The following GPC5 variants were observed in gnomAD, a reference collection of about 807,000 sequenced individuals.
GPC5 encodes glypican-5.
Under a neutral mutation model 53.9 loss-of-function variants are expected in GPC5, and 47 were observed. The observed-to-expected ratio is 0.87, with a 90% CI of 0.69 to 1.11. The LOEUF (loss-of-function observed/expected upper bound fraction) is 1.11, where lower values mean the gene tolerates loss of function less well. Among genes scored for constraint, GPC5 ranks in the 50% most tolerant of loss-of-function variants. The pLI, the probability that GPC5 is intolerant of heterozygous loss-of-function variation, is 0.00. For synonymous variants in GPC5, 286 were observed against 263.3 expected, an observed-to-expected ratio of 1.09 and a Z score of -0.84; for missense variants, 748 against 713.1, an observed-to-expected ratio of 1.05 and a Z score of -0.56.
At chr13:92,168,975 T>C (rs949391064) in intron 7 of GPC5, among the ~76,000 whole-genome samples, 3 of 152,106 alleles carry the variant, frequency 2.0e-5, no homozygotes, top group Non-Finnish European at 4.4e-5. Flanking sequence ...GTGGTACATA[T>C]ACACTATGGA....
intron 7 of GPC5, among the ~76,000 whole-genome samples, chr13:92,355,959 A>G (rs959771276): frequency 7.8e-6 from 1 of 128,438 alleles, no homozygotes; most frequent in Non-Finnish European, 1.6e-5. Flanking sequence ...TCGTCTCTTT[A>G]TGATCACTAC....
chr13:92,800,231 T>A (rs1876848474), intron 7 of GPC5, among the ~76,000 whole-genome samples: 1 of 151,860 alleles, frequency 6.6e-6, no homozygotes, highest in Admixed American at 6.6e-5. Flanking sequence ...CTGGTATTCA[T>A]TAAAGAATTT....
At chr13:92,070,207 T>A (rs1057373011) in intron 6 of GPC5, among the ~76,000 whole-genome samples, 3 of 152,164 alleles carry the variant, frequency 2.0e-5, no homozygotes, top group Non-Finnish European at 4.4e-5. Context: ...AAATGGGGAC[T>A]GCGATACTAC....
chr13:91,856,450 G>C lies in GPC5; in HGVS notation c.1281-51487G>C, dbSNP rs139072687. Among the ~76,000 whole-genome samples, 1,347 of 151,572 alleles carry C rather than the reference G, an allele frequency of 8.9e-3. 12 individuals are homozygous for C. The highest frequency in any genetic ancestry group is 0.015 in the Non-Finnish European group (1,007 of 67,492). On this transcript the variant is annotated intron_variant, in intron 5 of 7. Coordinates refer to ENST00000377067, the MANE Select transcript of GPC5 (RefSeq NM_004466.6). ...AGTCTACCATCAGCAAATTGTGAGAGGTTGAGTTGTTCATCGTATGTTCAT... is the reference window on the plus strand; with the variant it reads ...AGTCTACCATCAGCAAATTGTGAGACGTTGAGTTGTTCATCGTATGTTCAT...
At chr13:92,438,377 AAAATAAATAT>A (rs1344177724) in intron 7 of GPC5, among the ~76,000 whole-genome samples, 3 of 43,422 alleles carry the variant, frequency 6.9e-5, no homozygotes, top group East Asian at 1.7e-3. Flanking sequence ...CGTTTAAAGC[AAAATAAATAT>A]ATATATATAT....
At chr13:91,478,083 C>A (rs1323495019) in intron 2 of GPC5, among the ~76,000 whole-genome samples, 6 of 150,496 alleles carry the variant, frequency 4.0e-5, no homozygotes, top group African/African-American at 1.5e-4. Flanking sequence ...TTCAGAGAAC[C>A]TTTCATATGA....
chr13:92,606,008 T>C (rs1368455544), intron 7 of GPC5, among the ~76,000 whole-genome samples: 1 of 152,208 alleles, frequency 6.6e-6, no homozygotes, highest in Admixed American at 6.5e-5. Flanking sequence ...AAAGCTATTT[T>C]AAGAAGGTAT....
At chr13:92,072,678 G>C (rs1321410261) in intron 6 of GPC5, among the ~76,000 whole-genome samples, 1 of 150,276 alleles carries the variant, frequency 6.7e-6, no homozygotes, top group Non-Finnish European at 1.5e-5. Flanking sequence ...TGCTCAAGTG[G>C]TTCTGGTGCC....
chr13:92,213,776 G>A (rs1032862296), intron 7 of GPC5, among the ~76,000 whole-genome samples: 1 of 152,104 alleles, frequency 6.6e-6, no homozygotes, highest in African/African-American at 2.4e-5. Flanking sequence ...CCATTTGATA[G>A]TCTTTTGCTG....
intron 2 of GPC5, among the ~76,000 whole-genome samples, chr13:91,663,649 A>T (rs1157936753): frequency 6.6e-6 from 1 of 151,894 alleles, no homozygotes; most frequent in Non-Finnish European, 1.5e-5. Flanking sequence ...TTTTTTGTAA[A>T]GACTGGGTCT....
At chr13:92,684,101 G>A (rs1423179288) in intron 7 of GPC5, among the ~76,000 whole-genome samples, 7 of 151,820 alleles carry the variant, frequency 4.6e-5, no homozygotes, top group Non-Finnish European at 8.8e-5. Context: ...GGGGCCCCTC[G>A]AAATGACTGA....
intron 7 of GPC5, among the ~76,000 whole-genome samples, chr13:92,676,916 T>TAC (rs34267880): frequency 0.22 from 33,359 of 151,316 alleles, 4,286 homozygotes; most frequent in South Asian, 0.36. Flanking sequence ...GGGTTAAAAA[T>TAC]ACACACACAC....
At chr13:92,657,342 A>G (rs903675644) in intron 7 of GPC5, among the ~76,000 whole-genome samples, 1 of 152,204 alleles carries the variant, frequency 6.6e-6, no homozygotes, top group Non-Finnish European at 1.5e-5. Flanking sequence ...CAACCCTTTA[A>G]TGATCTGACC....
intron 6 of GPC5, among the ~76,000 whole-genome samples, chr13:92,037,283 C>A (rs531666559): frequency 6.6e-6 from 1 of 152,060 alleles, no homozygotes; most frequent in East Asian, 1.9e-4. Flanking sequence ...CTCCAAAATA[C>A]CAAGTGTATT....
At chr13:91,649,164 C>A (rs2034634928) in intron 2 of GPC5, among the ~76,000 whole-genome samples, 1 of 152,142 alleles carries the variant, frequency 6.6e-6, no homozygotes, top group Non-Finnish European at 1.5e-5. Context: ...TTTTAAGTTT[C>A]CTGAGACCTC....
chr13:92,548,334 A>G (rs1882197519), intron 7 of GPC5, among the ~76,000 whole-genome samples: 1 of 151,540 alleles, frequency 6.6e-6, no homozygotes, highest in South Asian at 2.1e-4. Context: ...AATGTTATCA[A>G]AATGACATGA....
chr13:92,299,590 A>G (rs142862377), intron 7 of GPC5, among the ~76,000 whole-genome samples: 1 of 152,338 alleles, frequency 6.6e-6, no homozygotes, highest in Non-Finnish European at 1.5e-5. Flanking sequence ...TAAAAAACCA[A>G]TGACATAATT....
intron 7 of GPC5, among the ~76,000 whole-genome samples, chr13:92,726,240 C>G (rs185901874): frequency 1.3e-3 from 194 of 151,650 alleles, no homozygotes; most frequent in African/African-American, 4.5e-3. Context: ...TCTCCTGAAA[C>G]TATTAACTCA....
chr13:91,946,602 A>G (rs889335299), intron 6 of GPC5, among the ~76,000 whole-genome samples: 2 of 152,178 alleles, frequency 1.3e-5, no homozygotes, highest in African/African-American at 4.8e-5. Flanking sequence ...ACGTAGGTGC[A>G]AATTATCCCT....
Sources: allele counts gnomAD v4.1 joint callset (sites outside exome capture counted in the v4.1 genomes callset), GRCh38; gene constraint gnomAD v4.1.1; transcripts MANE v1.5; gene names NCBI Gene and HGNC (gene_info 2026-07-23, HGNC 2026-07-21).